The following EPHA4 variants were observed in gnomAD, a reference collection of about 807,000 sequenced individuals.
EPHA4 encodes the protein EPH receptor A4.
In EPHA4, 19 loss-of-function variants were observed where a neutral mutation model predicts 108.3. The observed-to-expected ratio is 0.18, with a 90% CI of 0.12 to 0.26. The LOEUF (loss-of-function observed/expected upper bound fraction) is 0.26. Ranked by LOEUF, EPHA4 falls within the 10% of genes least tolerant of loss-of-function variation. The pLI is 1.00. For missense variants in EPHA4, 917 were observed against 1,254.0 expected (o/e 0.73, Z 4.06); for synonymous variants, 449 against 455.5 (o/e 0.99, Z 0.18).
At chr2:221,485,181 A>C (rs1232437260) in intron 4 of EPHA4, among the ~76,000 whole-genome samples, 1 of 152,206 alleles carries the variant, frequency 6.6e-6, no homozygotes, top group Admixed American at 6.5e-5. Flanking sequence ...AAAAGTCAGT[A>C]ATTAGTATGT....
chr2:221,421,824 C>T (rs1689770319), intron 17 of EPHA4, among the ~76,000 whole-genome samples: 1 of 152,278 alleles, frequency 6.6e-6, no homozygotes, highest in African/African-American at 2.4e-5. Context: ...CCTATTTTAT[C>T]AAATCACTTG....
chr2:221,574,026 AG>A (rs1237186996), upstream of EPHA4: 1 of 152,224 alleles, frequency 6.6e-6, no homozygotes, highest in Admixed American at 6.5e-5. Context: ...GGAGGGTTAT[AG>A]GGCGACGTCG....
chr2:221,543,393 A>G (rs950995657), intron 3 of EPHA4, among the ~76,000 whole-genome samples: 3 of 152,200 alleles, frequency 2.0e-5, no homozygotes, highest in Non-Finnish European at 4.4e-5. Context: ...TACATCAAAG[A>G]AAGTCTGGAA....
chr2:221,459,509 C>T (rs976624634), intron 5 of EPHA4, among the ~76,000 whole-genome samples: 10 of 151,906 alleles, frequency 6.6e-5, no homozygotes, highest in East Asian at 1.9e-4. Flanking sequence ...AAATGAAAAA[C>T]GGAAATGTGC....
At chr2:221,557,617 T>G (rs1694342604) in intron 3 of EPHA4, among the ~76,000 whole-genome samples, 1 of 152,250 alleles carries the variant, frequency 6.6e-6, no homozygotes, top group African/African-American at 2.4e-5. Context: ...CATTTTGTGC[T>G]AACTGTATGT....
chr2:221,501,239 A>C (rs1382012006), intron 3 of EPHA4, 67 bp from the exon 4 acceptor site: 3 of 1,380,152 alleles, frequency 2.2e-6, no homozygotes, highest in Non-Finnish European at 2.9e-6. Context: ...AAAAATGCAA[A>C]GCCACCTCCT....
At chr2:221,559,319 T>C (rs183169164) in intron 3 of EPHA4, among the ~76,000 whole-genome samples, 1 of 152,346 alleles carries the variant, frequency 6.6e-6, no homozygotes, top group Non-Finnish European at 1.5e-5. Context: ...TTTTTATATG[T>C]ATGCTCTGAA....
intron 5 of EPHA4, among the ~76,000 whole-genome samples, chr2:221,467,447 G>A (rs759184146): frequency 2.6e-5 from 4 of 152,164 alleles, no homozygotes; most frequent in Non-Finnish European, 5.9e-5. Context: ...TACCTCCTGG[G>A]TTAAGCCCTA....
At chr2:221,546,443 CTTTT>C (rs1694000481) in intron 3 of EPHA4, among the ~76,000 whole-genome samples, 2 of 151,896 alleles carry the variant, frequency 1.3e-5, no homozygotes, top group African/African-American at 4.8e-5. Flanking sequence ...ATACTTTTTT[CTTTT>C]TTATTTTTAT....
intron 3 of EPHA4, among the ~76,000 whole-genome samples, chr2:221,521,849 C>T (rs1327416159): frequency 2.0e-5 from 3 of 152,110 alleles, no homozygotes; most frequent in Non-Finnish European, 4.4e-5. Flanking sequence ...TGATGGCACA[C>T]GCCTGTAGTC....
chr2:221,447,774 T>A (rs1156961145), intron 8 of EPHA4, among the ~76,000 whole-genome samples: 1 of 152,142 alleles, frequency 6.6e-6, no homozygotes, highest in Non-Finnish European at 1.5e-5. Flanking sequence ...CAGTCCCAAA[T>A]CATAAGCTTG....
In EPHA4 at chr2:221,450,304, A is replaced by G. The variant is rs1690740128; in HGVS notation, c.1716-4123T>C. The stretch of plus-strand genomic sequence containing the variant: ...CAGGCTGAACCATAACTGTTTCAGC[A>G]TTGTGTGAACTCTTAGCTCCAAAGT... On this transcript the variant is annotated intron_variant, in intron 8 of 17. Transcript: ENST00000281821. Among the ~76,000 whole-genome samples, 4 of 152,322 alleles carry G rather than the reference A, an allele frequency of 2.6e-5. No individual in the cohort carries two copies. The South Asian group carries it at 6.2e-4, about 24-fold the overall frequency.
At chr2:221,568,900 T>C (rs988888204) in intron 1 of EPHA4, 115 bp from the exon 2 acceptor site, 67 of 683,150 alleles carry the variant, frequency 9.8e-5, no homozygotes, top group Non-Finnish European at 1.4e-4. Context: ...CCAACACTGA[T>C]CAAAACCTAA....
intron 4 of EPHA4, among the ~76,000 whole-genome samples, chr2:221,488,909 GA>G (rs1229975049): frequency 6.6e-6 from 1 of 152,124 alleles, no homozygotes; most frequent in Non-Finnish European, 1.5e-5. Context: ...TCCTCCCATG[GA>G]TTAGACTAAA....
chr2:221,484,408 C>T (rs1173941746), intron 4 of EPHA4, among the ~76,000 whole-genome samples: 1 of 152,166 alleles, frequency 6.6e-6, no homozygotes, highest in Admixed American at 6.5e-5. Context: ...GGACTAATTA[C>T]CAACAACCTC....
intron 8 of EPHA4, among the ~76,000 whole-genome samples, chr2:221,451,444 T>A (rs940344761): frequency 1.3e-5 from 2 of 152,180 alleles, no homozygotes; most frequent in African/African-American, 2.4e-5. Flanking sequence ...AAGATCATTT[T>A]AAAAAAACAA....
At chr2:221,519,461 G>C (rs966555737) in intron 3 of EPHA4, among the ~76,000 whole-genome samples, 1 of 152,184 alleles carries the variant, frequency 6.6e-6, no homozygotes, top group African/African-American at 2.4e-5. Flanking sequence ...CTGAGGAAAG[G>C]AGCCAGGTTG....
intron 3 of EPHA4, among the ~76,000 whole-genome samples, chr2:221,509,189 G>C (rs966112685): frequency 1.3e-5 from 2 of 152,126 alleles, no homozygotes; most frequent in Non-Finnish European, 2.9e-5. Context: ...TTAGCCAGGC[G>C]TGGTGGCCCC....
chr2:221,504,251 A>C (rs1020928415), intron 3 of EPHA4, among the ~76,000 whole-genome samples: 9 of 152,182 alleles, frequency 5.9e-5, no homozygotes, highest in Admixed American at 1.3e-4. Flanking sequence ...CCATGGAGAA[A>C]AGATTAGTTC....
Sources: gnomAD v4.1 joint callset for allele counts (sites outside exome capture counted in the v4.1 genomes callset) on GRCh38, gnomAD v4.1.1 for gene constraint, MANE v1.5 for transcripts, NCBI Gene and HGNC (gene_info 2026-07-23, HGNC 2026-07-21) for gene names.